Variants in PFKFB3 observed in about 807,000 individuals in gnomAD.
The protein encoded by PFKFB3 is 6-phosphofructo-2-kinase/fructose-2,6-bisphosphatase 3.
A neutral mutation model predicts 68.0 loss-of-function variants in PFKFB3; 33 were observed. The ratio of observed to expected loss-of-function variants is 0.49; its 90% CI spans 0.37 to 0.65. The LOEUF (loss-of-function observed/expected upper bound fraction) is 0.65, where lower values mean the gene tolerates loss of function less well. Ranked by LOEUF, PFKFB3 falls within the 30% of genes least tolerant of loss-of-function variation. The pLI, the probability that PFKFB3 is intolerant of heterozygous loss-of-function variation, is 0.00. For missense variants in PFKFB3, 586 were observed against 712.2 expected (o/e 0.82, Z 2.02); for synonymous variants, 315 against 288.2 (o/e 1.09, Z -0.94).
the PFKFB3 span, among the ~76,000 whole-genome samples, chr10:6,292,286 T>C: frequency 1.4e-3 from 163 of 120,076 alleles, 1 homozygote; most frequent in African/African-American, 4.7e-3. Context: ...TTCTTTTTTT[T>C]TTTTTTTTTT....
intron 1 of PFKFB3, among the ~76,000 whole-genome samples, chr10:6,163,396 C>T (rs1842021180): frequency 6.6e-6 from 1 of 152,180 alleles, no homozygotes; most frequent in Non-Finnish European, 1.5e-5. Context: ...CCCCCACAAC[C>T]CTATATAGAC....
chr10:6,174,562 G>C (rs1427835661), intron 1 of PFKFB3, among the ~76,000 whole-genome samples: 1 of 152,160 alleles, frequency 6.6e-6, no homozygotes, highest in African/African-American at 2.4e-5. Flanking sequence ...GGGCTCGCTT[G>C]TCAGGCGTGT....
the PFKFB3 span, among the ~76,000 whole-genome samples, chr10:6,281,399 A>C: frequency 5.1e-4 from 78 of 152,100 alleles, no homozygotes; most frequent in Non-Finnish European, 9.7e-4. Context: ...GGCTCCATCT[A>C]GCTGCAAGTG....
intron 14 of PFKFB3, among the ~76,000 whole-genome samples, chr10:6,253,761 G>T (rs1223745105): frequency 6.6e-6 from 1 of 152,164 alleles, no homozygotes; most frequent in Non-Finnish European, 1.5e-5. Context: ...TGATATGCTG[G>T]CTGGGCACGG....
chr10:6,279,593 G>A, the PFKFB3 span, among the ~76,000 whole-genome samples: 25 of 152,194 alleles, frequency 1.6e-4, no homozygotes, highest in African/African-American at 4.8e-4. Flanking sequence ...CTGGGGTCAC[G>A]TTTGGGGGAA....
At chr10:6,226,132 A>G in intron 13 of PFKFB3, 60 bp from the exon 14 acceptor site, 1 of 1,438,162 alleles carries the variant, frequency 7.0e-7, no homozygotes, top group Non-Finnish European at 9.4e-7. Flanking sequence ...TTTTGGGGCT[A>G]ATTTTCCTCC....
At chr10:6,157,415 G>A (rs569779740) in intron 1 of PFKFB3, among the ~76,000 whole-genome samples, 51 of 151,622 alleles carry the variant, frequency 3.4e-4, no homozygotes, top group African/African-American at 8.2e-4. Flanking sequence ...TTTAGTAGAG[G>A]CGGGGTTTCA....
upstream of PFKFB3, chr10:6,202,755 G>A (rs1194526546): frequency 2.4e-6 from 1 of 424,668 alleles, no homozygotes; most frequent in African/African-American, 2.2e-5. Context: ...GGCGGGAGCT[G>A]GTGCACCGCC....
intron 14 of PFKFB3, chr10:6,231,524 C>G (rs1845741701): frequency 1.0e-6 from 1 of 985,304 alleles, no homozygotes; most frequent in African/African-American, 1.7e-5. Context: ...GTGGACATCA[C>G]CCGGTCTTGC....
the PFKFB3 span, among the ~76,000 whole-genome samples, chr10:6,289,776 T>G: frequency 6.6e-6 from 1 of 152,116 alleles, no homozygotes; most frequent in Non-Finnish European, 1.5e-5. Context: ...TGGCATTGAA[T>G]CTATAAATTA....
intron 1 of PFKFB3, among the ~76,000 whole-genome samples, chr10:6,182,752 C>T (rs1842754129): frequency 6.6e-6 from 1 of 152,198 alleles, no homozygotes; most frequent in Non-Finnish European, 1.5e-5. Flanking sequence ...GGCAGGACTG[C>T]CCAGTGCTTT....
chr10:6,293,442 T>G, the PFKFB3 span: 4 of 213,232 alleles, frequency 1.9e-5, no homozygotes, highest in Non-Finnish European at 3.8e-5. Context: ...GCCTCCTGGA[T>G]TCAAACAATT....
chr10:6,218,845 C>G (rs1325711203), intron 6 of PFKFB3, among the ~76,000 whole-genome samples: 1 of 152,212 alleles, frequency 6.6e-6, no homozygotes, highest in African/African-American at 2.4e-5. Context: ...GAAACTGTGC[C>G]AGGACACAGG....
chr10:6,248,598 C>T (rs1000701286), intron 14 of PFKFB3, among the ~76,000 whole-genome samples: 1 of 124,764 alleles, frequency 8.0e-6, no homozygotes, highest in South Asian at 2.7e-4. Flanking sequence ...CACTGGATTC[C>T]AGCCTGGGCA....
intron 1 of PFKFB3, among the ~76,000 whole-genome samples, chr10:6,173,395 T>C (rs1842368715): frequency 6.6e-6 from 1 of 152,196 alleles, no homozygotes; most frequent in Non-Finnish European, 1.5e-5. Flanking sequence ...AGCTTTTATG[T>C]GTCCTGTGCA....
the PFKFB3 span, among the ~76,000 whole-genome samples, chr10:6,295,723 AG>A: frequency 6.6e-6 from 1 of 152,188 alleles, no homozygotes; most frequent in Non-Finnish European, 1.5e-5. Flanking sequence ...ACTCTGGCAA[AG>A]TAGTTTCCCT....
chr10:6,313,581 C>T, the PFKFB3 span, among the ~76,000 whole-genome samples: 2 of 152,324 alleles, frequency 1.3e-5, no homozygotes, highest in Admixed American at 6.5e-5. This position sits in a 1 kb window ranked among gnomAD's most constrained non-coding sequence, Gnocchi z 4.2. Flanking sequence ...CCTAAATGAT[C>T]GGTTTTAATT....
chr10:6,146,301 G>C (rs570277024), intron 1 of PFKFB3: 1 of 1,505,616 alleles, frequency 6.6e-7, no homozygotes, highest in Non-Finnish European at 8.9e-7. Flanking sequence ...TTCAAACAGA[G>C]GGTGCCTAGG....
At chr10:6,179,094 G>A (rs1306138251) in intron 1 of PFKFB3, among the ~76,000 whole-genome samples, 3 of 152,260 alleles carry the variant, frequency 2.0e-5, no homozygotes, top group African/African-American at 7.2e-5. Context: ...ATAAAAGGGA[G>A]CTAGTATTCA....
Sources: gnomAD v4.1 joint callset for allele counts (sites outside exome capture counted in the v4.1 genomes callset) on GRCh38, gnomAD v4.1.1 for gene constraint, Gnocchi (gnomAD v3.1) non-coding constraint, MANE v1.5 for transcripts, NCBI Gene and HGNC (gene_info 2026-07-23, HGNC 2026-07-21) for gene names.